Variants in PAAF1 observed in about 807,000 individuals in gnomAD.
PAAF1 encodes the protein proteasomal ATPase associated factor 1.
In PAAF1, 46 loss-of-function variants were observed where a neutral mutation model predicts 52.8. The observed-to-expected ratio is 0.87, with a 90% confidence interval of 0.69 to 1.11. The LOEUF (loss-of-function observed/expected upper bound fraction) is 1.11. Among genes scored for constraint, PAAF1 ranks in the 50% most tolerant of loss-of-function variants. PAAF1 has a pLI of 0.00. For missense variants in PAAF1, 424 were observed against 477.4 expected (o/e 0.89, Z 1.04); for synonymous variants, 178 against 172.8 (o/e 1.03, Z -0.24).
Position 73,916,492 on chromosome 11 carries a change from C to T in PAAF1, c.820-53C>T, listed in dbSNP as rs1425162393. 4 of 1,243,122 alleles carry T rather than the reference C, an allele frequency of 3.2e-6. No individual in the cohort carries two copies. In the Admixed American group the frequency reaches 8.4e-5, roughly 26 times the overall value. The allele number at this position is 1,243,122 out of a possible 1,614,324, so 77.0% of individuals were successfully genotyped here. A position where few individuals can be genotyped will look rare whatever the true frequency, so the allele number is the denominator to read the frequency against. ...TTTCCTTTTTTGGTGCCTGTTTATT[C>T]TTGGAAACAAATTAATCTTTAAACA... On this transcript the variant is annotated intron_variant, in intron 8 of 11. Transcript: ENST00000310571.
intron 4 of PAAF1, among the ~76,000 whole-genome samples, chr11:73,891,886 T>C (rs1310773170): frequency 1.3e-5 from 2 of 152,190 alleles, no homozygotes; most frequent in Non-Finnish European, 1.5e-5. Context: ...ATATACCACA[T>C]TGAGGAATAA....
rs1261517748 is a variant in PAAF1, at chr11:73,931,020, A to G, written c.*3658A>G. On this transcript the variant is annotated 3_prime_UTR_variant, in exon 12 of 12. Coordinates refer to ENST00000310571, the MANE Select transcript of PAAF1 (RefSeq NM_025155.3). ...TTAACTGGCTTCATTTAATTATTCC[A>G]TATTGTATTTATAAGTCACAATAGG... The G allele has an allele frequency of 6.6e-6, 1 of 152,200 alleles. No individual in the cohort carries two copies. The highest frequency in any genetic ancestry group is 6.5e-5 in the Admixed American group (1 of 15,270). 9.4% of individuals were successfully genotyped at this position (152,200 alleles called of 1,614,324 possible). A position where few individuals can be genotyped will look rare whatever the true frequency, so the allele number is the denominator to read the frequency against.
At position 73,931,043 on chromosome 11, in the gene PAAF1, A is replaced by G. The variant is rs1288221547; in HGVS notation, c.*3681A>G. Reference sequence around the variant, plus strand: ...CCATATTGTATTTATAAGTCACAATAGGACTTTGTGGCCCATAATTATAAA... The same window carrying G: ...CCATATTGTATTTATAAGTCACAATGGGACTTTGTGGCCCATAATTATAAA... On this transcript the variant is annotated 3_prime_UTR_variant, in exon 12 of 12. Transcript: ENST00000310571. The G allele has an allele frequency of 2.0e-5, 3 of 152,160 alleles. No individual in the cohort carries two copies. Among genetic ancestry groups the G allele is most frequent in the Non-Finnish European group, 4.4e-5 (3 of 68,038 alleles). The allele number at this position is 152,160 out of a possible 1,614,324, so 9.4% of individuals were successfully genotyped here. A position where few individuals can be genotyped will look rare whatever the true frequency, so the allele number is the denominator to read the frequency against.
At chr11:73,897,561 G>A (rs1949443107) in intron 4 of PAAF1, among the ~76,000 whole-genome samples, 1 of 151,748 alleles carries the variant, frequency 6.6e-6, no homozygotes, top group African/African-American at 2.4e-5. Context: ...GCCGGGCAGA[G>A]ACGCTCCTCA....
At chr11:73,896,306 A>C (rs1033780400) in intron 4 of PAAF1, among the ~76,000 whole-genome samples, 11 of 116,570 alleles carry the variant, frequency 9.4e-5, no homozygotes, top group Admixed American at 2.7e-4. Context: ...TTTTTTATTT[A>C]TTTTTTTTTT....
At chr11:73,921,934 T>C in intron 10 of PAAF1, 1 of 1,051,528 alleles carries the variant, frequency 9.5e-7, no homozygotes, top group Non-Finnish European at 1.5e-6. Context: ...GCTTTTGGAA[T>C]TGCACTTCTG....
chr11:73,876,957 A>C (rs1948757199), upstream of PAAF1: 7 of 1,444,840 alleles, frequency 4.8e-6, no homozygotes, highest in Admixed American at 5.4e-5. Flanking sequence ...TCCTCGCCGC[A>C]CGCTTCTCGG....
intron 4 of PAAF1, 98 bp downstream of exon 4, chr11:73,891,299 GTCTTTCA>G: frequency 1.4e-6 from 1 of 696,446 alleles, no homozygotes; most frequent in Non-Finnish European, 2.4e-6. Flanking sequence ...TAATTAATAT[GTCTTTCA>G]TTTACTTTGC....
intron 11 of PAAF1, among the ~76,000 whole-genome samples, chr11:73,925,576 CTT>C (rs1177671771): frequency 6.6e-6 from 1 of 151,944 alleles, no homozygotes. Context: ...TCTGAAAACT[CTT>C]TGTAAATACA....
intron 4 of PAAF1, among the ~76,000 whole-genome samples, chr11:73,896,856 A>T (rs1311906121): frequency 6.6e-6 from 1 of 151,024 alleles, no homozygotes; most frequent in Non-Finnish European, 1.5e-5. Flanking sequence ...GGGGCTCCTC[A>T]CTTCCCAGTA....
intron 10 of PAAF1, chr11:73,921,725 G>A (rs374640159): frequency 1.3e-5 from 14 of 1,085,574 alleles, no homozygotes; most frequent in African/African-American, 7.8e-5. Context: ...CACTTGCAGC[G>A]TTTATCATTC....
upstream of PAAF1, chr11:73,876,967 G>A (rs1948757415): frequency 1.3e-6 from 2 of 1,484,264 alleles, no homozygotes; most frequent in Middle Eastern, 2.1e-4. Flanking sequence ...ACGCTTCTCG[G>A]GGACTCACTT....
At chr11:73,876,811 T>G, upstream of PAAF1, 1 of 436,902 alleles carries the variant, frequency 2.3e-6, no homozygotes, top group Non-Finnish European at 3.9e-6. Flanking sequence ...CGGCTTGGGT[T>G]TCGCAGGCGG....
chr11:73,902,141 T>C (rs1182881006), intron 6 of PAAF1, among the ~76,000 whole-genome samples: 1 of 151,448 alleles, frequency 6.6e-6, no homozygotes, highest in East Asian at 2.0e-4. Context: ...GGATTACAGG[T>C]ATGAGCCACT....
At chr11:73,884,890 C>T (rs1164793445) in intron 2 of PAAF1, among the ~76,000 whole-genome samples, 1 of 148,132 alleles carries the variant, frequency 6.8e-6, no homozygotes, top group African/African-American at 2.5e-5. Flanking sequence ...GACGGAGTCT[C>T]GCTCTGTCGC....
intron 3 of PAAF1, chr11:73,888,841 A>C (rs1420790667): frequency 5.1e-6 from 2 of 389,584 alleles, no homozygotes; most frequent in Non-Finnish European, 9.1e-6. Flanking sequence ...CAGTTTCCTC[A>C]TCAATAAAGC....
chr11:73,890,970 G>A, intron 3 of PAAF1, 142 bp from the exon 4 acceptor site: 1 of 587,596 alleles, frequency 1.7e-6, no homozygotes, highest in Non-Finnish European at 3.1e-6. Context: ...GGATAGTTTT[G>A]TGGGGTGGGA....
rs1041291084 is a variant in PAAF1, at chr11:73,899,244, G to A, written c.381G>A (p.Arg127=). 3.7e-6 allele frequency: 6 copies of A among 1,612,690 alleles called. No homozygotes were observed. In the Admixed American group the frequency reaches 5.0e-5, roughly 13 times the overall value. The change falls in exon 5 of 12, where the codon AGG becomes AGA. Residue 127 remains arginine (R), a splice_region_variant and synonymous_variant. Coordinates refer to ENST00000310571, the MANE Select transcript of PAAF1 (RefSeq NM_025155.3). ...GGCAGGCTTCCAATGGAGAACTCAGGGTAAAGGATTTGGATGTACTTTTAG... is the reference window on the plus strand; with the variant it reads ...GGCAGGCTTCCAATGGAGAACTCAGAGTAAAGGATTTGGATGTACTTTTAG... ...KIWQASNGEL[R]RVLEGHVFDV...
chr11:73,878,886 T>G (rs911059373), intron 2 of PAAF1, 67 bp downstream of exon 2: 3 of 1,460,232 alleles, frequency 2.1e-6, no homozygotes, highest in Non-Finnish European at 2.9e-6. Context: ...AAAAGAAAGC[T>G]TCCTACTTTC....
Sources: gnomAD v4.1 joint callset for allele counts (sites outside exome capture counted in the v4.1 genomes callset) on GRCh38, gnomAD v4.1.1 for gene constraint, MANE v1.5 for transcripts, NCBI Gene and HGNC (gene_info 2026-07-23, HGNC 2026-07-21) for gene names.